The following SYN3 variants were observed in gnomAD, a reference collection of about 807,000 sequenced individuals.
SYN3 encodes the protein synapsin III, also known as synapsin-3.
SYN3 carries 35 observed loss-of-function variants against 65.8 expected under a neutral mutation model. The observed-to-expected ratio is 0.53, with a 90% confidence interval of 0.41 to 0.70. The LOEUF (loss-of-function observed/expected upper bound fraction) is 0.70. SYN3 is among the 30% of genes least tolerant of loss of function. The probability of loss-of-function intolerance (pLI) is 0.00; values close to 1 mark genes in which losing one functional copy is unlikely to be tolerated. For synonymous variants in SYN3, 270 were observed against 292.9 expected (o/e 0.92, Z 0.80); for missense variants, 680 against 749.0 (o/e 0.91, Z 1.08).
intron 3 of SYN3, among the ~76,000 whole-genome samples, chr22:32,945,390 A>G (rs553587004): frequency 0.022 from 3,381 of 152,240 alleles, 125 homozygotes; most frequent in African/African-American, 0.077. Context: ...AATACCACAC[A>G]TCTACAACCA....
At chr22:32,904,586 G>A (rs1486746543) in intron 4 of SYN3, among the ~76,000 whole-genome samples, 1 of 152,104 alleles carries the variant, frequency 6.6e-6, no homozygotes, top group Non-Finnish European at 1.5e-5. Context: ...GCAGAATTGG[G>A]GTTTTAGAGG....
chr22:32,653,927 G>A (rs760569664), intron 6 of SYN3, among the ~76,000 whole-genome samples: 7 of 152,168 alleles, frequency 4.6e-5, no homozygotes, highest in Non-Finnish European at 8.8e-5. Flanking sequence ...CTGACAGAAC[G>A]TAAGAGGTAG....
At chr22:32,522,644 TAGTA>T (rs1201779235) in intron 12 of SYN3, among the ~76,000 whole-genome samples, 1 of 152,198 alleles carries the variant, frequency 6.6e-6, no homozygotes, top group Non-Finnish European at 1.5e-5. Flanking sequence ...ACGTTATTAA[TAGTA>T]AGCATTATGT....
intron 6 of SYN3, among the ~76,000 whole-genome samples, chr22:32,818,828 C>T (rs1157359000): frequency 6.6e-6 from 1 of 152,158 alleles, no homozygotes; most frequent in Non-Finnish European, 1.5e-5. Context: ...GCTCAGAGAC[C>T]AGGAGGAATC....
chr22:33,012,574 G>C (rs1320464696), intron 1 of SYN3, among the ~76,000 whole-genome samples: 2 of 152,232 alleles, frequency 1.3e-5, no homozygotes, highest in Admixed American at 1.3e-4. Flanking sequence ...CAAGCAGGAA[G>C]TTTATTAGGC....
At chr22:32,814,135 TGTGTGTGAGA>T (rs1344099453) in intron 6 of SYN3, among the ~76,000 whole-genome samples, 29 of 72,108 alleles carry the variant, frequency 4.0e-4, no homozygotes, top group African/African-American at 1.4e-3. Flanking sequence ...TGTGTGTGTG[TGTGTGTGAGA>T]GAGAGAGAGA....
intron 4 of SYN3, among the ~76,000 whole-genome samples, chr22:32,926,525 A>G (rs2050474871): frequency 6.6e-6 from 1 of 152,080 alleles, no homozygotes; most frequent in Non-Finnish European, 1.5e-5. Context: ...AATGCTTTTC[A>G]CCTTCGAGTC....
At chr22:32,898,743 C>T (rs1391156619) in intron 4 of SYN3, among the ~76,000 whole-genome samples, 1 of 152,122 alleles carries the variant, frequency 6.6e-6, no homozygotes, top group African/African-American at 2.4e-5. Flanking sequence ...CTAACTTAGT[C>T]CTTATGACCT....
chr22:32,868,893 TG>T, intron 5 of SYN3, 72 bp downstream of exon 5: 1 of 1,478,686 alleles, frequency 6.8e-7, no homozygotes. Context: ...TGCTGGGGAG[TG>T]GGCTTGTCGC....
intron 6 of SYN3, among the ~76,000 whole-genome samples, chr22:32,818,732 C>A (rs985289310): frequency 6.6e-6 from 1 of 152,062 alleles, no homozygotes. Context: ...TCACTGTGGC[C>A]GGCCTAGGGG....
chr22:32,651,908 C>T (rs1159244167), intron 6 of SYN3, among the ~76,000 whole-genome samples: 1 of 152,140 alleles, frequency 6.6e-6, no homozygotes, highest in African/African-American at 2.4e-5. Context: ...AGGGGAATTG[C>T]TACTGGCATC....
At chr22:32,972,301 C>A (rs549130211) in intron 3 of SYN3, among the ~76,000 whole-genome samples, 3 of 152,214 alleles carry the variant, frequency 2.0e-5, no homozygotes, top group African/African-American at 7.2e-5. Flanking sequence ...GACCCCAGGC[C>A]ATCCTTAACA....
intron 6 of SYN3, among the ~76,000 whole-genome samples, chr22:32,673,274 G>T (rs2060396600): frequency 1.3e-5 from 2 of 152,130 alleles, no homozygotes; most frequent in Non-Finnish European, 2.9e-5. Context: ...ATAGGGTGTT[G>T]TGTCAGAAAT....
At chr22:33,023,556 A>G (rs1601921993) in intron 1 of SYN3, among the ~76,000 whole-genome samples, 1 of 152,144 alleles carries the variant, frequency 6.6e-6, no homozygotes, top group East Asian at 1.9e-4. Context: ...CTCCACAAAA[A>G]AATCAAAAAC....
chr22:32,713,646 C>A lies in SYN3; in HGVS notation c.712-116910G>T, dbSNP rs1490211735. Among the ~76,000 whole-genome samples the A allele has an allele frequency of 2.0e-5, 3 of 152,072 alleles. No individual in the cohort carries two copies. The East Asian group carries it at 5.8e-4, about 29-fold the overall frequency. On this transcript the variant is annotated intron_variant, in intron 6 of 13. Transcript: ENST00000358763. ...GAGATCGAGACCATCCTGGCTAACA[C>A]GGTGAAACCCCGTCTCTACTAAAAA...
intron 6 of SYN3, among the ~76,000 whole-genome samples, chr22:32,828,226 T>C (rs1368128687): frequency 6.6e-6 from 1 of 152,210 alleles, no homozygotes; most frequent in Non-Finnish European, 1.5e-5. Flanking sequence ...CTAGTGAGTG[T>C]CTGTGCTGGA....
intron 6 of SYN3, among the ~76,000 whole-genome samples, chr22:32,778,631 C>G (rs1402016576): frequency 6.6e-6 from 1 of 152,146 alleles, no homozygotes; most frequent in Non-Finnish European, 1.5e-5. Flanking sequence ...CATCACAACA[C>G]AATGACGGAT....
At chr22:32,767,152 G>T (rs1444995773) in intron 6 of SYN3, among the ~76,000 whole-genome samples, 1 of 152,148 alleles carries the variant, frequency 6.6e-6, no homozygotes, top group Non-Finnish European at 1.5e-5. Flanking sequence ...TGTGTACTTT[G>T]CACACCTGCC....
intron 6 of SYN3, among the ~76,000 whole-genome samples, chr22:32,731,947 T>C (rs1054337160): frequency 2.0e-5 from 3 of 152,182 alleles, no homozygotes; most frequent in Non-Finnish European, 4.4e-5. Flanking sequence ...ATGTGTAAAA[T>C]AGGGATCAAT....
Sources: allele counts gnomAD v4.1 joint callset (sites outside exome capture counted in the v4.1 genomes callset), GRCh38; gene constraint gnomAD v4.1.1; transcripts MANE v1.5; gene names NCBI Gene and HGNC (gene_info 2026-07-23, HGNC 2026-07-21).